The following RARB variants were observed in gnomAD, a reference collection of about 807,000 sequenced individuals.
RARB encodes the protein HBV-activated protein.
In RARB, 17 loss-of-function variants were observed where a neutral mutation model predicts 51.9. That is an observed-to-expected ratio of 0.33 (90% CI 0.22 to 0.49). The LOEUF is 0.49. Among genes scored for constraint, RARB ranks in the 20% least tolerant of loss-of-function variants. RARB has a pLI of 0.99. For synonymous variants in RARB, 215 were observed against 195.4 expected, an observed-to-expected ratio of 1.10 and a Z score of -0.84; for missense variants, 369 against 550.8, an observed-to-expected ratio of 0.67 and a Z score of 3.30.
chr3:24,965,308 C>G (rs902460536), intron 2 of RARB, among the ~76,000 whole-genome samples: 6 of 152,036 alleles, frequency 3.9e-5, no homozygotes, highest in Non-Finnish European at 7.4e-5. Flanking sequence ...AGTGGTCATG[C>G]CACAGCAGAA....
At chr3:25,472,902 A>G (rs1034150814) in intron 2 of RARB, among the ~76,000 whole-genome samples, 3 of 152,194 alleles carry the variant, frequency 2.0e-5, no homozygotes, top group African/African-American at 7.2e-5. Context: ...TGAAAAGCAC[A>G]CTGCTGGAGA....
At chr3:25,119,936 A>C (rs931731135) in intron 3 of RARB, among the ~76,000 whole-genome samples, 3 of 152,186 alleles carry the variant, frequency 2.0e-5, no homozygotes, top group African/African-American at 7.2e-5. Flanking sequence ...CAAGGGCTGG[A>C]TGAAAGGAGA....
At chr3:25,323,706 T>C (rs1704633625) in intron 5 of RARB, among the ~76,000 whole-genome samples, 2 of 152,200 alleles carry the variant, frequency 1.3e-5, no homozygotes, top group African/African-American at 4.8e-5. Context: ...CACACATTTT[T>C]ATAGTGGACC....
intron 2 of RARB, among the ~76,000 whole-genome samples, chr3:25,008,458 T>C (rs190729741): frequency 6.6e-6 from 1 of 152,266 alleles, no homozygotes; most frequent in Admixed American, 6.5e-5. Flanking sequence ...CTTGTGAGGA[T>C]GATGAAAGTT....
chr3:25,156,639 G>A (rs1700379710), intron 4 of RARB, among the ~76,000 whole-genome samples: 1 of 150,496 alleles, frequency 6.6e-6, no homozygotes, highest in Non-Finnish European at 1.5e-5. Context: ...TGTGCACAGA[G>A]TCTAAATGGA....
intron 3 of RARB, among the ~76,000 whole-genome samples, chr3:25,065,105 T>C (rs1297584218): frequency 6.8e-6 from 1 of 146,932 alleles, no homozygotes; most frequent in African/African-American, 2.6e-5. Flanking sequence ...TCATTTTAAA[T>C]ACGACTCTAG....
intron 5 of RARB, among the ~76,000 whole-genome samples, chr3:25,315,504 C>T (rs563797196): frequency 5.9e-5 from 9 of 152,172 alleles, no homozygotes; most frequent in African/African-American, 2.2e-4. Context: ...ATCCACTTAT[C>T]TTTTTACCTA....
chr3:25,405,357 TAACA>T (rs1355100501), intron 5 of RARB, among the ~76,000 whole-genome samples: 3 of 152,240 alleles, frequency 2.0e-5, no homozygotes, highest in East Asian at 1.9e-4. Flanking sequence ...TGTCTCTATT[TAACA>T]AACAAACAAC....
chr3:25,483,940 T>C (rs1696350846), intron 2 of RARB, among the ~76,000 whole-genome samples: 1 of 152,260 alleles, frequency 6.6e-6, no homozygotes, highest in African/African-American at 2.4e-5. Context: ...TAATTTGCTT[T>C]ATTTATTATT....
chr3:25,395,871 T>A (rs749556802), intron 5 of RARB, among the ~76,000 whole-genome samples: 2 of 152,220 alleles, frequency 1.3e-5, no homozygotes, highest in Non-Finnish European at 1.5e-5. Flanking sequence ...TTCAGAGATA[T>A]CTTCTTGGTT....
chr3:25,347,547 A>G (rs1705431478), intron 5 of RARB, among the ~76,000 whole-genome samples: 1 of 152,242 alleles, frequency 6.6e-6, no homozygotes, highest in Non-Finnish European at 1.5e-5. Flanking sequence ...ACTTTCTTAT[A>G]AAGTTCACTT....
At chr3:25,194,644 CTT>C (rs529093235) in intron 5 of RARB, among the ~76,000 whole-genome samples, 3 of 142,928 alleles carry the variant, frequency 2.1e-5, no homozygotes, top group East Asian at 2.0e-4. Context: ...AGAACAAGGT[CTT>C]TTTTTTTTTA....
intron 3 of RARB, among the ~76,000 whole-genome samples, chr3:25,512,086 C>T (rs1697923078): frequency 6.6e-6 from 1 of 152,108 alleles, no homozygotes; most frequent in Admixed American, 6.5e-5. Flanking sequence ...GTAATAGTAC[C>T]TACTTCATGT....
At chr3:25,033,003 A>C (rs6798254) in intron 2 of RARB, among the ~76,000 whole-genome samples, 3,689 of 152,328 alleles carry the variant, frequency 0.024, 155 homozygotes, top group African/African-American at 0.084. Flanking sequence ...CTCATCACAC[A>C]TCAACTTAAG....
Position 25,146,502 on chromosome 3 carries a change from TGTTTG to T in RARB, c.-280+14295_-280+14299del, listed in dbSNP as rs747961437. Among the ~76,000 whole-genome samples the T allele has an allele frequency of 2.7e-4, 32 of 116,932 alleles. 3 individuals are homozygous for T. The highest frequency in any genetic ancestry group is 4.1e-4 in the Admixed American group (4 of 9,670). The allele number at this position is 116,932 out of a possible 152,430, so 76.7% of individuals were successfully genotyped here. On this transcript the variant is annotated intron_variant, in intron 4 of 11. Coordinates refer to the RARB transcript ENST00000383772. ...GCTATAATTTGCTAAGTTTTTTGTTTGTTTGTTTGTTTTTTTTTTTTTGAGACAAG... is the reference window on the plus strand; with the variant it reads ...GCTATAATTTGCTAAGTTTTTTGTTTTTTGTTTTTTTTTTTTTGAGACAAG...
At chr3:24,829,337 G>C (rs909219457) in exon 1 of RARB, among the ~76,000 whole-genome samples, 2 of 151,912 alleles carry the variant, frequency 1.3e-5, no homozygotes, top group Non-Finnish European at 2.9e-5. Context: ...TCTCAGCGGC[G>C]GCGGCAGGGG....
intron 2 of RARB, among the ~76,000 whole-genome samples, chr3:25,470,101 G>A (rs1695613798): frequency 6.6e-6 from 1 of 152,108 alleles, no homozygotes; most frequent in African/African-American, 2.4e-5. Flanking sequence ...CCCTTTTGAG[G>A]TAATCTCTGC....
At chr3:25,587,010 T>C (rs1452012306) in intron 5 of RARB, among the ~76,000 whole-genome samples, 1 of 152,216 alleles carries the variant, frequency 6.6e-6, no homozygotes, top group African/African-American at 2.4e-5. Context: ...GGGTGGGCTT[T>C]GCAGTCCAAC....
chr3:24,971,729 TA>T (rs1040200698), intron 2 of RARB, among the ~76,000 whole-genome samples: 5 of 152,006 alleles, frequency 3.3e-5, no homozygotes, highest in African/African-American at 1.2e-4. Context: ...ACATTTTTAT[TA>T]GCATAACTTG....
Sources: allele counts gnomAD v4.1 joint callset (sites outside exome capture counted in the v4.1 genomes callset), GRCh38; gene constraint gnomAD v4.1.1; transcripts MANE v1.5; gene names NCBI Gene and HGNC (gene_info 2026-07-23, HGNC 2026-07-21).